The following CAV1 variants were observed in gnomAD, a reference collection of about 807,000 sequenced individuals.
CAV1 encodes caveolin-1.
In CAV1, 10 loss-of-function variants were observed where a neutral mutation model predicts 16.5. That is an observed-to-expected ratio of 0.61 (90% confidence interval 0.37 to 1.03). CAV1 has a LOEUF of 1.03. Among genes scored for constraint, CAV1 ranks in the 50% least tolerant of loss-of-function variants. The pLI, the probability that CAV1 is intolerant of heterozygous loss-of-function variation, is 0.01. For missense variants in CAV1, 212 were observed against 232.8 expected, an observed-to-expected ratio of 0.91 and a Z score of 0.58; for synonymous variants, 76 against 85.1, an observed-to-expected ratio of 0.89 and a Z score of 0.59.
chr7:116,555,404 A>G (rs1304404550), intron 2 of CAV1, among the ~76,000 whole-genome samples: 1 of 147,858 alleles, frequency 6.8e-6, no homozygotes, highest in Non-Finnish European at 1.5e-5. Context: ...ATGCCGCTGC[A>G]CTCTAGCCTG....
In CAV1 at chr7:116,560,059, C is replaced by A. The variant is rs886175009; in HGVS notation, c.*772C>A. On this transcript the variant is annotated 3_prime_UTR_variant, in exon 3 of 3. Transcript: ENST00000341049. ...AATATCCATGACCTAGTTTTCCATGCGTGTTTCTGACTCTGAGCTACAGAG... is the reference window on the plus strand; with the variant it reads ...AATATCCATGACCTAGTTTTCCATGAGTGTTTCTGACTCTGAGCTACAGAG... 2 of 380,052 alleles carry A rather than the reference C, an allele frequency of 5.3e-6. No homozygotes were observed. Among genetic ancestry groups the A allele is most frequent in the Non-Finnish European group, 9.3e-6 (2 of 214,398 alleles). 23.5% of individuals were successfully genotyped at this position (380,052 alleles called of 1,614,324 possible).
At chr7:116,534,395 A>ATATATATATATATTTTT (rs1442237865) in intron 2 of CAV1, among the ~76,000 whole-genome samples, 2 of 7,840 alleles carry the variant, frequency 2.6e-4, no homozygotes, top group Non-Finnish European at 5.2e-4. Context: ...ATATATATAT[A>ATATATATATATATTTTT]TTTTTTTTTT....
At position 116,559,860 on chromosome 7, in the gene CAV1, A is replaced by G. The variant is rs2116122173; in HGVS notation, c.*573A>G. 5.0e-6 allele frequency: 2 copies of G among 400,678 alleles called. No individual in the cohort carries two copies. Among genetic ancestry groups the G allele is most frequent in the South Asian group, 1.3e-4 (1 of 7,976 alleles). 24.8% of individuals were successfully genotyped at this position (400,678 alleles called of 1,614,324 possible). ...TAATCTTCTGCCTTCTCATGATCCA[A>G]CTAATGCCTTACTCTTCTTGAAATT... On this transcript the variant is annotated 3_prime_UTR_variant, in exon 3 of 3. Coordinates refer to ENST00000341049, the MANE Select transcript of CAV1 (RefSeq NM_001753.5).
Position 116,555,602 on chromosome 7 carries a change from A to AAGAGAGAGAGAGAGAG in CAV1, c.196-3339_196-3338insGAGAGAGAGAGAGAGA, listed in dbSNP as rs780499290. ...AAAGAAAGAAAGAAAGAAAGAAAGAAAGAGAAAGAAAGAAAGAAGGGAGGG... is the reference window on the plus strand; with the variant it reads ...AAAGAAAGAAAGAAAGAAAGAAAGAAAGAGAGAGAGAGAGAGAGAGAAAGAAAGAAAGAAGGGAGGG... On this transcript the variant is annotated intron_variant, in intron 2 of 2. Coordinates refer to ENST00000341049, the MANE Select transcript of CAV1 (RefSeq NM_001753.5). Among the ~76,000 whole-genome samples the AAGAGAGAGAGAGAGAG allele has an allele frequency of 3.2e-4, 27 of 83,762 alleles. 1 individual carries two copies. The highest frequency in any genetic ancestry group is 1.7e-3 in the East Asian group (5 of 2,974). The allele number at this position is 83,762 out of a possible 152,430, so 55.0% of individuals were successfully genotyped here.
chr7:116,556,779 T>G (rs981456528), intron 2 of CAV1, among the ~76,000 whole-genome samples: 3 of 65,024 alleles, frequency 4.6e-5, no homozygotes, highest in Non-Finnish European at 6.7e-5. Flanking sequence ...CATTTCCCAT[T>G]ATACACTCAA....
chr7:116,533,733 G>A (rs1793734412), intron 2 of CAV1, among the ~76,000 whole-genome samples: 1 of 152,114 alleles, frequency 6.6e-6, no homozygotes, highest in African/African-American at 2.4e-5. Flanking sequence ...AAATTCTACT[G>A]TCTGTTAAAA....
chr7:116,554,269 T>TA (rs1203088081), intron 2 of CAV1, among the ~76,000 whole-genome samples: 11 of 152,196 alleles, frequency 7.2e-5, no homozygotes, highest in Non-Finnish European at 4.4e-5. Context: ...CTTGGATTTG[T>TA]AAAAAATATT....
chr7:116,529,768 C>A (rs997054044), intron 2 of CAV1, among the ~76,000 whole-genome samples: 4 of 152,162 alleles, frequency 2.6e-5, no homozygotes, highest in Admixed American at 6.5e-5. Flanking sequence ...CTTGCTGCTC[C>A]ACATTATGAG....
chr7:116,559,209 C>T lies in CAV1; in HGVS notation c.459C>T (p.His153=). ...CISRVYSIYV[H]TVCDPLFEAV... ...GCCGTGTCTATTCCATCTACGTCCA[C>T]ACCGTCTGTGACCCACTCTTTGAAG... Residue 153 remains histidine, a synonymous_variant, in exon 3 of 3, where the codon CAC becomes CAT. Coordinates refer to ENST00000341049, the MANE Select transcript of CAV1 (RefSeq NM_001753.5). The T allele has an allele frequency of 6.2e-7, 1 of 1,613,988 alleles. No homozygotes were observed. The highest frequency in any genetic ancestry group is 8.5e-7 in the Non-Finnish European group (1 of 1,179,880).
chr7:116,556,610 A>G (rs1794298987), intron 2 of CAV1, among the ~76,000 whole-genome samples: 1 of 152,220 alleles, frequency 6.6e-6, no homozygotes, highest in African/African-American at 2.4e-5. Flanking sequence ...GATCACAACT[A>G]GTCAACAAAT....
At chr7:116,557,625 G>A (rs774911190) in intron 2 of CAV1, among the ~76,000 whole-genome samples, 1 of 152,118 alleles carries the variant, frequency 6.6e-6, no homozygotes, top group Non-Finnish European at 1.5e-5. Flanking sequence ...TGGGAAAGGG[G>A]CCAAATTTGC....
chr7:116,546,239 C>T (rs1794043004), intron 2 of CAV1, among the ~76,000 whole-genome samples: 1 of 152,186 alleles, frequency 6.6e-6, no homozygotes, highest in Non-Finnish European at 1.5e-5. Context: ...ATATGTACAG[C>T]CTGCTTTGTA....
At chr7:116,552,466 T>C (rs553815229) in intron 2 of CAV1, among the ~76,000 whole-genome samples, 2 of 152,212 alleles carry the variant, frequency 1.3e-5, no homozygotes, top group Admixed American at 6.5e-5. Flanking sequence ...GAATGCTTTC[T>C]GCTACAGGTA....
intron 2 of CAV1, among the ~76,000 whole-genome samples, chr7:116,555,549 AAAGAAAGAAAG>A (rs1794265679): frequency 5.2e-5 from 3 of 57,476 alleles, no homozygotes; most frequent in Non-Finnish European, 7.4e-5. Flanking sequence ...AGAGAGAAAG[AAAGAAAGAAAG>A]AAAGAAAGAA....
intron 2 of CAV1, among the ~76,000 whole-genome samples, chr7:116,557,883 C>T (rs1794322750): frequency 6.6e-6 from 1 of 152,126 alleles, no homozygotes; most frequent in African/African-American, 2.4e-5. Flanking sequence ...CCCCTGCTCC[C>T]ACATCTTCCA....
intron 2 of CAV1, among the ~76,000 whole-genome samples, chr7:116,556,092 T>C (rs568453104): frequency 5.0e-4 from 76 of 152,356 alleles, no homozygotes; most frequent in African/African-American, 1.7e-3. Flanking sequence ...CACTAGCAGT[T>C]TCTGAAAATG....
chr7:116,526,215 CGGG>C, intron 1 of CAV1: 1 of 970,666 alleles, frequency 1.0e-6, no homozygotes, highest in Non-Finnish European at 1.2e-6. Flanking sequence ...GGGGCGTGCG[CGGG>C]CGGGGGCCTT....
At chr7:116,550,710 AC>A (rs1562836105) in intron 2 of CAV1, among the ~76,000 whole-genome samples, 1 of 152,104 alleles carries the variant, frequency 6.6e-6, no homozygotes, top group East Asian at 1.9e-4. Context: ...ATTGGTCTAA[AC>A]TCTGTATAAC....
At chr7:116,558,018 A>G (rs2116109612) in intron 2 of CAV1, among the ~76,000 whole-genome samples, 1 of 152,176 alleles carries the variant, frequency 6.6e-6, no homozygotes, top group East Asian at 1.9e-4. Context: ...TGGGGCTTTG[A>G]CACATTTCCA....
Sources: allele counts gnomAD v4.1 joint callset (sites outside exome capture counted in the v4.1 genomes callset), GRCh38; gene constraint gnomAD v4.1.1; transcripts MANE v1.5; gene names NCBI Gene and HGNC (gene_info 2026-07-23, HGNC 2026-07-21).